Variants in MIGA1 observed in about 807,000 individuals in gnomAD.
The protein encoded by MIGA1 is mitoguardin 1, also known as family with sequence similarity 73, member A.
Under a neutral mutation model 82.0 loss-of-function variants are expected in MIGA1, and 58 were observed. The ratio of observed to expected loss-of-function variants is 0.71; its 90% confidence interval spans 0.57 to 0.88. The LOEUF is 0.88. Ranked by LOEUF, MIGA1 falls within the 40% of genes least tolerant of loss-of-function variation. MIGA1 has a pLI of 0.00. For missense variants in MIGA1, 751 were observed against 749.1 expected (o/e 1.00, Z -0.03); for synonymous variants, 249 against 253.6 (o/e 0.98, Z 0.17).
At chr1:77,801,732 T>C (rs372875414) in intron 3 of MIGA1, among the ~76,000 whole-genome samples, 1 of 152,212 alleles carries the variant, frequency 6.6e-6, no homozygotes, top group South Asian at 2.1e-4. Flanking sequence ...AATACTTTCA[T>C]GTATATCAGT....
intron 2 of MIGA1, among the ~76,000 whole-genome samples, chr1:77,793,966 T>C (rs1682548663): frequency 6.6e-6 from 1 of 150,902 alleles, no homozygotes; most frequent in Non-Finnish European, 1.5e-5. Context: ...TTTTATTATT[T>C]TTTGTAGAGG....
chr1:77,802,372 A>G (rs1682920184), intron 3 of MIGA1, among the ~76,000 whole-genome samples: 1 of 152,214 alleles, frequency 6.6e-6, no homozygotes, highest in South Asian at 2.1e-4. Context: ...TATTGTTTCT[A>G]TATTCTACAT....
At chr1:77,838,114 T>C (rs1684497225) in intron 7 of MIGA1, among the ~76,000 whole-genome samples, 1 of 152,240 alleles carries the variant, frequency 6.6e-6, no homozygotes, top group Non-Finnish European at 1.5e-5. Flanking sequence ...ATATAGTTGA[T>C]ATTGCTTTCT....
At chr1:77,866,511 C>A in intron 14 of MIGA1, 120 bp downstream of exon 14, 1 of 907,142 alleles carries the variant, frequency 1.1e-6, no homozygotes, top group Non-Finnish European at 1.8e-6. Context: ...AGGGACTGTC[C>A]CTCAGGCTAG....
chr1:77,828,916 G>A (rs892098521), intron 7 of MIGA1, among the ~76,000 whole-genome samples: 3 of 152,036 alleles, frequency 2.0e-5, no homozygotes, highest in Non-Finnish European at 4.4e-5. Context: ...GGCTCAAGTG[G>A]TCGTCCTGCC....
chr1:77,836,662 G>A (rs1482276510), intron 7 of MIGA1, among the ~76,000 whole-genome samples: 1 of 152,148 alleles, frequency 6.6e-6, no homozygotes, highest in African/African-American at 2.4e-5. Context: ...CTCAGTTTAC[G>A]TAGGTGGTAA....
Position 77,878,979 on chromosome 1 carries a change from AAATTT to A in MIGA1, c.*3921_*3925del. The A allele has an allele frequency of 3.4e-6, 1 of 295,814 alleles. No homozygotes were observed. Among genetic ancestry groups the A allele is most frequent in the Non-Finnish European group, 6.2e-6 (1 of 161,330 alleles). The allele number at this position is 295,814 out of a possible 1,614,324, so 18.3% of individuals were successfully genotyped here. ...CCTTAAAATGTAACATTTTCTACTT[AAATTT>A]AATTTCCAAGAGAGTGATTATTTGC... is the stretch of plus-strand genomic sequence containing the variant. On this transcript the variant is annotated 3_prime_UTR_variant, in exon 16 of 16. Coordinates refer to ENST00000370791, the MANE Select transcript of MIGA1 (RefSeq NM_198549.4).
At chr1:77,829,648 T>G (rs1684161328) in intron 7 of MIGA1, among the ~76,000 whole-genome samples, 1 of 152,060 alleles carries the variant, frequency 6.6e-6, no homozygotes, top group Non-Finnish European at 1.5e-5. Flanking sequence ...TTTTTGTATT[T>G]TTAGTAGAGA....
chr1:77,811,312 A>G, intron 5 of MIGA1: 4 of 1,604,950 alleles, frequency 2.5e-6, no homozygotes, highest in Non-Finnish European at 3.4e-6. Flanking sequence ...CAACCTTGGT[A>G]ATAAAGTACC....
chr1:77,876,990 A>G lies in MIGA1; in HGVS notation c.*1926A>G. On this transcript the variant is annotated 3_prime_UTR_variant, in exon 16 of 16. Transcript: ENST00000370791. ...TCATTTTAGGAGTGAGTTGCACAAA[A>G]GGACCTAAAATGCATTGTTTTTTGC... 1 of 152,170 alleles carries G rather than the reference A, an allele frequency of 6.6e-6. No individual in the cohort carries two copies. The highest frequency in any genetic ancestry group is 1.9e-4 in the East Asian group (1 of 5,204). The allele number at this position is 152,170 out of a possible 1,614,324, so 9.4% of individuals were successfully genotyped here. A position where few individuals can be genotyped will look rare whatever the true frequency, so the allele number is the denominator to read the frequency against.
chr1:77,842,151 C>A (rs1159155615), intron 7 of MIGA1, among the ~76,000 whole-genome samples: 1 of 152,030 alleles, frequency 6.6e-6, no homozygotes, highest in Non-Finnish European at 1.5e-5. Flanking sequence ...TAAGAAAAAT[C>A]TATATATGTT....
At chr1:77,825,225 C>T (rs1474385608) in intron 7 of MIGA1, among the ~76,000 whole-genome samples, 2 of 151,902 alleles carry the variant, frequency 1.3e-5, no homozygotes. Context: ...AGGCTGGTCT[C>T]GAACTTCTGG....
chr1:77,792,618 A>T (rs966378694), intron 2 of MIGA1, among the ~76,000 whole-genome samples: 2 of 152,202 alleles, frequency 1.3e-5, no homozygotes, highest in African/African-American at 4.8e-5. Context: ...CAGTTACACT[A>T]ATAGTTTTGT....
chr1:77,839,988 C>T (rs1463980932), intron 7 of MIGA1, among the ~76,000 whole-genome samples: 3 of 152,210 alleles, frequency 2.0e-5, no homozygotes, highest in African/African-American at 7.2e-5. Flanking sequence ...CTGCTTCAGC[C>T]TCCCAAAGTG....
intron 2 of MIGA1, among the ~76,000 whole-genome samples, chr1:77,795,257 A>AC (rs1257481932): frequency 1.3e-4 from 20 of 151,916 alleles, no homozygotes; most frequent in Non-Finnish European, 2.9e-5. Flanking sequence ...GAGCCACTGC[A>AC]CCCAGCCAGC....
At chr1:77,867,908 T>C (rs903075616) in intron 14 of MIGA1, among the ~76,000 whole-genome samples, 2 of 120,000 alleles carry the variant, frequency 1.7e-5, no homozygotes, top group Non-Finnish European at 3.9e-5. Flanking sequence ...GAGACCCATA[T>C]TTTAAGCAGG....
chr1:77,856,880 C>T (rs1481365173), intron 8 of MIGA1, among the ~76,000 whole-genome samples: 2 of 151,300 alleles, frequency 1.3e-5, no homozygotes, highest in African/African-American at 4.9e-5. Context: ...TCATTTAGTT[C>T]TGCTCTGATC....
At chr1:77,783,575 T>C (rs767696027) in intron 2 of MIGA1, among the ~76,000 whole-genome samples, 7 of 152,198 alleles carry the variant, frequency 4.6e-5, no homozygotes, top group Non-Finnish European at 7.3e-5. Context: ...TTTTTCTGTC[T>C]TAAGCAAACT....
At chr1:77,807,128 G>C in intron 5 of MIGA1, 27 bp downstream of exon 5, 1 of 1,524,218 alleles carries the variant, frequency 6.6e-7, no homozygotes, top group Non-Finnish European at 8.9e-7. Flanking sequence ...AACATTTTAA[G>C]ATACTGTGCT....
Sources: allele counts gnomAD v4.1 joint callset (sites outside exome capture counted in the v4.1 genomes callset), GRCh38; gene constraint gnomAD v4.1.1; transcripts MANE v1.5; gene names NCBI Gene and HGNC (gene_info 2026-07-23, HGNC 2026-07-21).